Variants in MYT1L observed in about 807,000 individuals in gnomAD.
The protein encoded by MYT1L is myelin transcription factor 1-like protein.
A neutral mutation model predicts 126.7 loss-of-function variants in MYT1L; 12 were observed. That is an observed-to-expected ratio of 0.09 (90% CI 0.06 to 0.15). MYT1L has a LOEUF of 0.15. Ranked by LOEUF, MYT1L falls within the 10% of genes least tolerant of loss-of-function variation. The pLI is 1.00. For missense variants in MYT1L, 979 were observed against 1,585.2 expected (o/e 0.62, Z 6.49); for synonymous variants, 541 against 604.2 (o/e 0.90, Z 1.53).
chr2:1,981,166 A>G (rs1010885398), intron 5 of MYT1L, among the ~76,000 whole-genome samples: 1 of 152,236 alleles, frequency 6.6e-6, no homozygotes, highest in African/African-American at 2.4e-5. Context: ...TTTAATGTTT[A>G]TAGCAACTAA....
intron 23 of MYT1L, among the ~76,000 whole-genome samples, 182 bp from the exon 24 acceptor site, chr2:1,792,646 G>A (rs560054426): frequency 3.5e-4 from 54 of 152,152 alleles, no homozygotes; most frequent in Non-Finnish European, 6.5e-4. Flanking sequence ...AAGACAGGCA[G>A]GTCACTTGAG....
chr2:1,867,782 G>C (rs1176534230), intron 18 of MYT1L, among the ~76,000 whole-genome samples: 1 of 152,158 alleles, frequency 6.6e-6, no homozygotes, highest in Non-Finnish European at 1.5e-5. Flanking sequence ...TGTAGATGAA[G>C]GTCATTGTTC....
intron 10 of MYT1L, among the ~76,000 whole-genome samples, chr2:1,919,227 A>T (rs1051411258): frequency 6.6e-6 from 1 of 152,236 alleles, no homozygotes; most frequent in African/African-American, 2.4e-5. Flanking sequence ...TTGGAAGACG[A>T]CAAGGGTATA....
intron 1 of MYT1L, among the ~76,000 whole-genome samples, chr2:2,306,866 A>C (rs1009789345): frequency 6.6e-6 from 1 of 152,230 alleles, no homozygotes. Flanking sequence ...GGTAGGTTAC[A>C]CCATTATATA....
At chr2:2,010,582 A>G (rs1271098507) in intron 4 of MYT1L, among the ~76,000 whole-genome samples, 1 of 151,884 alleles carries the variant, frequency 6.6e-6, no homozygotes, top group Non-Finnish European at 1.5e-5. Context: ...TACACTCCCC[A>G]TGGCTGCTAC....
intron 8 of MYT1L, among the ~76,000 whole-genome samples, chr2:1,954,546 G>T (rs1305433504): frequency 6.6e-6 from 1 of 152,142 alleles, no homozygotes; most frequent in Non-Finnish European, 1.5e-5. Context: ...TAGTGCAGTT[G>T]TGAAGAGATT....
intron 18 of MYT1L, among the ~76,000 whole-genome samples, chr2:1,863,222 AGT>A (rs2044949940): frequency 6.6e-6 from 1 of 152,152 alleles, no homozygotes; most frequent in African/African-American, 2.4e-5. Context: ...AGGAGAACTG[AGT>A]GTGGAGTGTG....
chr2:2,274,963 G>A (rs563808485), intron 2 of MYT1L, among the ~76,000 whole-genome samples: 1 of 152,200 alleles, frequency 6.6e-6, no homozygotes, highest in South Asian at 2.1e-4. Context: ...AGTGCTATGA[G>A]GGGGCTGGAA....
intron 2 of MYT1L, among the ~76,000 whole-genome samples, chr2:2,230,303 G>A (rs761756696): frequency 1.5e-4 from 23 of 152,200 alleles, no homozygotes; most frequent in African/African-American, 2.7e-4. Flanking sequence ...CAGCTGCAGC[G>A]TCTGTTTCCT....
chr2:1,868,991 G>A (rs1433532451), intron 18 of MYT1L, among the ~76,000 whole-genome samples: 1 of 152,208 alleles, frequency 6.6e-6, no homozygotes, highest in Non-Finnish European at 1.5e-5. Context: ...TACAGCCCAG[G>A]AACCTTTGGA....
chr2:1,967,910 C>T (rs879643778), intron 8 of MYT1L, among the ~76,000 whole-genome samples: 1 of 152,178 alleles, frequency 6.6e-6, no homozygotes, highest in Admixed American at 6.5e-5. Context: ...GTCCTGCTGT[C>T]TGTGTGTCCT....
At chr2:2,200,607 G>C (rs543483785) in intron 2 of MYT1L, among the ~76,000 whole-genome samples, 1 of 152,284 alleles carries the variant, frequency 6.6e-6, no homozygotes, top group African/African-American at 2.4e-5. Flanking sequence ...CATATTCACC[G>C]GTTCCAGGAA....
intron 3 of MYT1L, among the ~76,000 whole-genome samples, chr2:2,101,863 T>C (rs985860804): frequency 4.6e-5 from 7 of 152,240 alleles, no homozygotes. Context: ...CTATAAATTG[T>C]AAAATGGCGG....
intron 4 of MYT1L, among the ~76,000 whole-genome samples, chr2:2,033,218 T>C (rs530811193): frequency 2.1e-4 from 30 of 144,020 alleles, no homozygotes; most frequent in African/African-American, 7.1e-4. Flanking sequence ...TCTCATCCTG[T>C]CGCCCAGAGC....
intron 2 of MYT1L, among the ~76,000 whole-genome samples, chr2:2,259,895 A>C (rs1276448241): frequency 6.6e-6 from 1 of 152,246 alleles, no homozygotes; most frequent in South Asian, 2.1e-4. Context: ...AGCACTGGCC[A>C]GGGGTTCTGT....
intron 15 of MYT1L, among the ~76,000 whole-genome samples, chr2:1,890,330 C>T (rs1389731487): frequency 1.3e-5 from 2 of 152,162 alleles, no homozygotes; most frequent in Non-Finnish European, 2.9e-5. Context: ...GCCTCAGCCC[C>T]TCAAAGTGCT....
intron 4 of MYT1L, among the ~76,000 whole-genome samples, chr2:2,019,448 A>G (rs1166906261): frequency 1.3e-5 from 2 of 152,222 alleles, no homozygotes; most frequent in Non-Finnish European, 2.9e-5. Flanking sequence ...TAACAGCATG[A>G]GAACAGACTT....
intron 8 of MYT1L, among the ~76,000 whole-genome samples, chr2:1,952,517 C>T (rs1000383258): frequency 3.3e-5 from 5 of 151,904 alleles, no homozygotes; most frequent in Middle Eastern, 3.4e-3. Context: ...CGTGGTTCTC[C>T]GACAGCTGGG....
chr2:2,082,236 A>T (rs1269142578), intron 3 of MYT1L, among the ~76,000 whole-genome samples: 2 of 152,212 alleles, frequency 1.3e-5, no homozygotes, highest in South Asian at 2.1e-4. Context: ...CAGTTTTACA[A>T]ATGAAGAAAC....
Sources: gnomAD v4.1 joint callset for allele counts (sites outside exome capture counted in the v4.1 genomes callset) on GRCh38, gnomAD v4.1.1 for gene constraint, MANE v1.5 for transcripts, NCBI Gene and HGNC (gene_info 2026-07-23, HGNC 2026-07-21) for gene names.